GRIP1: variants seen among roughly 807,000 people sequenced by gnomAD.
GRIP1 encodes the protein glutamate receptor interacting protein 1, also known as glutamate receptor-interacting protein 1.
A neutral mutation model predicts 129.9 loss-of-function variants in GRIP1; 45 were observed. The observed-to-expected ratio is 0.35, with a 90% CI of 0.27 to 0.44. The LOEUF is 0.44. Among genes scored for constraint, GRIP1 ranks in the 20% least tolerant of loss-of-function variants. GRIP1 has a pLI of 1.00. For missense variants in GRIP1, 1,196 were observed against 1,396.8 expected (o/e 0.86, Z 2.29); for synonymous variants, 530 against 520.8 (o/e 1.02, Z -0.24).
chr12:66,453,363 GT>G (rs2058863640), intron 11 of GRIP1, among the ~76,000 whole-genome samples: 1 of 152,084 alleles, frequency 6.6e-6, no homozygotes, highest in African/African-American at 2.4e-5. Context: ...CTGTTAGCCT[GT>G]TTTTGTCACT....
intron 1 of GRIP1, among the ~76,000 whole-genome samples, chr12:67,026,383 A>G (rs1167467558): frequency 6.6e-6 from 1 of 152,036 alleles, no homozygotes; most frequent in Non-Finnish European, 1.5e-5. Context: ...CTACTTCCTT[A>G]CTTTTGACTT....
At chr12:66,704,307 CAG>C (rs2035454364) in intron 1 of GRIP1, among the ~76,000 whole-genome samples, 1 of 151,820 alleles carries the variant, frequency 6.6e-6, no homozygotes, top group African/African-American at 2.4e-5. Flanking sequence ...TATTAAAAAA[CAG>C]ATTTTTATAA....
intron 2 of GRIP1, among the ~76,000 whole-genome samples, chr12:66,590,762 G>C (rs2063822441): frequency 1.3e-5 from 2 of 152,150 alleles, no homozygotes; most frequent in South Asian, 2.1e-4. Flanking sequence ...TCTAGCTTCT[G>C]GCTGACCTAT....
chr12:66,949,524 AG>A (rs2041721740), intron 1 of GRIP1, among the ~76,000 whole-genome samples: 2 of 152,342 alleles, frequency 1.3e-5, no homozygotes, highest in African/African-American at 4.8e-5. Flanking sequence ...GATGAATTAA[AG>A]ATGAATTAAA....
intron 1 of GRIP1, among the ~76,000 whole-genome samples, chr12:66,698,949 G>C (rs972076371): frequency 6.6e-6 from 1 of 152,144 alleles, no homozygotes; most frequent in African/African-American, 2.4e-5. Context: ...TTGTTGGGAG[G>C]CTTAAGTGAA....
intron 1 of GRIP1, among the ~76,000 whole-genome samples, chr12:66,678,181 T>C (rs1049616038): frequency 6.6e-6 from 1 of 152,172 alleles, no homozygotes; most frequent in African/African-American, 2.4e-5. Context: ...ATACCTTAAA[T>C]ATTACAGAGA....
intron 15 of GRIP1, among the ~76,000 whole-genome samples, chr12:66,417,016 C>T (rs1001085390): frequency 4.0e-5 from 6 of 151,614 alleles, no homozygotes; most frequent in African/African-American, 9.7e-5. Context: ...AAACCTCTAA[C>T]GAACATTGAT....
intron 1 of GRIP1, among the ~76,000 whole-genome samples, chr12:66,981,071 A>G (rs1050576219): frequency 9.2e-5 from 14 of 152,182 alleles, no homozygotes; most frequent in African/African-American, 2.9e-4. Flanking sequence ...GAATTATAGT[A>G]ATCGAAGCTC....
intron 7 of GRIP1, among the ~76,000 whole-genome samples, chr12:66,487,848 A>G (rs1017044525): frequency 6.6e-6 from 1 of 151,646 alleles, no homozygotes; most frequent in Non-Finnish European, 1.5e-5. Context: ...CTTTTGACAA[A>G]ACAGACTTTA....
At chr12:66,648,852 TAAAGG>T (rs2032570812) in intron 1 of GRIP1, among the ~76,000 whole-genome samples, 1 of 152,330 alleles carries the variant, frequency 6.6e-6, no homozygotes, top group Non-Finnish European at 1.5e-5. Context: ...AATAACATTG[TAAAGG>T]AAAGTTGACA....
At chr12:66,684,884 A>G (rs766910784) in intron 1 of GRIP1, among the ~76,000 whole-genome samples, 1 of 152,032 alleles carries the variant, frequency 6.6e-6, no homozygotes, top group Admixed American at 6.5e-5. Context: ...AAACGAAACG[A>G]AACAAAACTA....
rs544740098 is a variant in GRIP1 at position 66,726,649 on chromosome 12, G to C, written c.-420+77404C>G. Among the ~76,000 whole-genome samples the C allele has an allele frequency of 9.8e-5, 15 of 152,312 alleles. No homozygotes were observed. In the South Asian group the frequency reaches 2.1e-3, roughly 21 times the overall value. The stretch of plus-strand genomic sequence containing the variant: ...CCTCTATCAACCAATGAAGCAGCCT[G>C]TCATGCAGTTGTAATATTTTATGTC... On this transcript the variant is annotated intron_variant, in intron 1 of 4. Coordinates refer to the GRIP1 transcript ENST00000538373.
At chr12:66,973,999 TGC>T (rs2042115833) in intron 1 of GRIP1, among the ~76,000 whole-genome samples, 1 of 148,708 alleles carries the variant, frequency 6.7e-6, no homozygotes, top group Non-Finnish European at 1.5e-5. Flanking sequence ...CTCGGCTCAC[TGC>T]AACCTCCGCC....
At chr12:66,921,979 G>GA (rs2041221124) in intron 1 of GRIP1, among the ~76,000 whole-genome samples, 1 of 152,288 alleles carries the variant, frequency 6.6e-6, no homozygotes, top group Admixed American at 6.5e-5. Context: ...AGAAAAAGGG[G>GA]AATGTTGCTT....
At chr12:66,868,810 C>T (rs1055766851) in intron 1 of GRIP1, among the ~76,000 whole-genome samples, 10 of 151,838 alleles carry the variant, frequency 6.6e-5, no homozygotes, top group Non-Finnish European at 1.5e-4. Flanking sequence ...TAAATAAATC[C>T]CCAGGAGTGG....
At chr12:66,836,434 C>G (rs2039615525) in intron 1 of GRIP1, among the ~76,000 whole-genome samples, 1 of 152,174 alleles carries the variant, frequency 6.6e-6, no homozygotes, top group African/African-American at 2.4e-5. Flanking sequence ...TGGCAATTTA[C>G]ATTAGCATGC....
chr12:66,735,042 G>A (rs1592789890), intron 1 of GRIP1, among the ~76,000 whole-genome samples: 1 of 152,096 alleles, frequency 6.6e-6, no homozygotes, highest in African/African-American at 2.4e-5. Flanking sequence ...CTGTGAGGTG[G>A]GTACTTCTAT....
At chr12:66,867,980 C>T (rs908498752) in intron 1 of GRIP1, among the ~76,000 whole-genome samples, 3 of 152,048 alleles carry the variant, frequency 2.0e-5, no homozygotes, top group Admixed American at 6.6e-5. Flanking sequence ...AAATATGACA[C>T]TTTATTCTGA....
At chr12:66,859,259 GAAAAAAAACAAAAAAAC>G (rs2040060402) in intron 1 of GRIP1, among the ~76,000 whole-genome samples, 2 of 21,200 alleles carry the variant, frequency 9.4e-5, no homozygotes, top group Non-Finnish European at 8.7e-4. Flanking sequence ...CACATTTTCT[GAAAAAAAACAAAAAAAC>G]AAAAAAACAA....
Sources: allele counts gnomAD v4.1 joint callset (sites outside exome capture counted in the v4.1 genomes callset), GRCh38; gene constraint gnomAD v4.1.1; transcripts MANE v1.5; gene names NCBI Gene and HGNC (gene_info 2026-07-23, HGNC 2026-07-21).